The following BTF3L4 variants were observed in gnomAD, a reference collection of about 807,000 sequenced individuals.
BTF3L4 encodes the protein basic transcription factor 3 like 4.
In BTF3L4, 6 loss-of-function variants were observed where a neutral mutation model predicts 16.8. The observed-to-expected ratio is 0.36, with a 90% CI of 0.20 to 0.71. BTF3L4 has a LOEUF of 0.71. Among genes scored for constraint, BTF3L4 ranks in the 30% least tolerant of loss-of-function variants. The pLI is 0.58. For synonymous variants in BTF3L4, 39 were observed against 59.8 expected (o/e 0.65, Z 1.60); for missense variants, 92 against 186.9 (o/e 0.49, Z 2.96).
chr1:52,063,601 C>T (rs1397035130), intron 2 of BTF3L4, among the ~76,000 whole-genome samples: 1 of 152,122 alleles, frequency 6.6e-6, no homozygotes, highest in Non-Finnish European at 1.5e-5. Flanking sequence ...AAGATTTAAC[C>T]CTCAAGACTT....
intron 3 of BTF3L4, among the ~76,000 whole-genome samples, chr1:52,078,909 G>A (rs1034834257): frequency 6.6e-6 from 1 of 152,074 alleles, no homozygotes; most frequent in Non-Finnish European, 1.5e-5. Flanking sequence ...CTCAGTGCTG[G>A]TATAGTTGCT....
intron 3 of BTF3L4, among the ~76,000 whole-genome samples, chr1:52,080,524 T>G (rs1306993736): frequency 1.6e-3 from 33 of 20,550 alleles, no homozygotes; most frequent in Middle Eastern, 0.026. Context: ...TTTGGGTTTT[T>G]TTTTTTTTTT....
At position 52,076,170 on chromosome 1, in the gene BTF3L4, G is replaced by T. The variant is rs537948106; in HGVS notation, c.169-7170G>T. 7.9e-5 allele frequency among the ~76,000 whole-genome samples: 12 copies of T among 152,248 alleles called. No individual in the cohort carries two copies. In the East Asian group the frequency reaches 2.3e-3, roughly 29 times the overall value. ...GTATGCCTGTAATCCCAACTACTTGGGAGGCTGAGGTGGGAGAATTGCTTG... is the reference window on the plus strand; with the variant it reads ...GTATGCCTGTAATCCCAACTACTTGTGAGGCTGAGGTGGGAGAATTGCTTG... On this transcript the variant is annotated intron_variant, in intron 3 of 5. Transcript: ENST00000313334.
intron 3 of BTF3L4, among the ~76,000 whole-genome samples, chr1:52,070,116 C>G (rs960479461): frequency 1.3e-5 from 2 of 151,612 alleles, no homozygotes; most frequent in African/African-American, 4.9e-5. Context: ...ACTCAGGAGG[C>G]TGAGGTAGGA....
intron 1 of BTF3L4, among the ~76,000 whole-genome samples, chr1:52,056,673 T>A (rs1156485278): frequency 6.6e-6 from 1 of 152,242 alleles, no homozygotes; most frequent in Non-Finnish European, 1.5e-5. Flanking sequence ...TCTGTTCCAT[T>A]ACTCCTTGCT....
At chr1:52,084,830 A>G (rs552697729) in intron 4 of BTF3L4, among the ~76,000 whole-genome samples, 1 of 151,772 alleles carries the variant, frequency 6.6e-6, no homozygotes, top group East Asian at 1.9e-4. Flanking sequence ...TAATGTTGTC[A>G]GACATCTATG....
chr1:52,072,171 C>T (rs1686807930), intron 3 of BTF3L4, among the ~76,000 whole-genome samples: 1 of 151,770 alleles, frequency 6.6e-6, no homozygotes, highest in Non-Finnish European at 1.5e-5. Flanking sequence ...TCTCCTGCCT[C>T]AGCCTCCCGA....
rs1019601587 is a variant in BTF3L4, at chr1:52,088,583, T to A, written c.*1825T>A. 4 of 152,464 alleles carry A rather than the reference T, an allele frequency of 2.6e-5. No homozygotes were observed. The highest frequency in any genetic ancestry group is 5.9e-5 in the Non-Finnish European group (4 of 68,050). 9.4% of individuals were successfully genotyped at this position (152,464 alleles called of 1,614,324 possible). A position where few individuals can be genotyped will look rare whatever the true frequency, so the allele number is the denominator to read the frequency against. On this transcript the variant is annotated 3_prime_UTR_variant, in exon 6 of 6. Transcript: ENST00000313334. ...TCTCTAATTGTCCCAAAGGGGGACA[T>A]TGTGGAGGCAGAGTTAGGGGGAACC...
intron 3 of BTF3L4, among the ~76,000 whole-genome samples, chr1:52,076,034 T>C (rs1052705495): frequency 6.6e-6 from 1 of 152,174 alleles, no homozygotes; most frequent in Non-Finnish European, 1.5e-5. Context: ...CTTCATGCAT[T>C]TTGTCAAATT....
At chr1:52,081,005 A>G (rs1643914871) in intron 3 of BTF3L4, among the ~76,000 whole-genome samples, 1 of 151,164 alleles carries the variant, frequency 6.6e-6, no homozygotes. Context: ...ACACCCAGCT[A>G]ATTTTTGTAT....
chr1:52,078,911 A>G (rs960431313), intron 3 of BTF3L4, among the ~76,000 whole-genome samples: 2 of 152,184 alleles, frequency 1.3e-5, no homozygotes, highest in Non-Finnish European at 2.9e-5. Context: ...CAGTGCTGGT[A>G]TAGTTGCTAA....
chr1:52,082,428 G>A (rs559038717), intron 3 of BTF3L4, among the ~76,000 whole-genome samples: 84 of 152,008 alleles, frequency 5.5e-4, no homozygotes, highest in Non-Finnish European at 1.0e-3. Context: ...TTGTTGAGAA[G>A]CTACCCTTAA....
At chr1:52,076,134 T>C (rs1055897971) in intron 3 of BTF3L4, among the ~76,000 whole-genome samples, 2 of 152,096 alleles carry the variant, frequency 1.3e-5, no homozygotes, top group African/African-American at 4.8e-5. Flanking sequence ...TTTTGTACTT[T>C]TAGTGGTGGC....
chr1:52,078,961 A>G (rs1438278717), intron 3 of BTF3L4, among the ~76,000 whole-genome samples: 3 of 152,172 alleles, frequency 2.0e-5, no homozygotes, highest in Non-Finnish European at 4.4e-5. Context: ...TTGTTCTTAT[A>G]TTGTACATAT....
At chr1:52,069,228 A>G (rs1686725754) in intron 3 of BTF3L4, among the ~76,000 whole-genome samples, 4 of 152,152 alleles carry the variant, frequency 2.6e-5, no homozygotes. Context: ...CCGAAGATGG[A>G]GAGGAGTTTT....
intron 3 of BTF3L4, among the ~76,000 whole-genome samples, chr1:52,072,032 T>G (rs1686803077): frequency 1.3e-5 from 2 of 150,060 alleles, no homozygotes; most frequent in South Asian, 2.1e-4. Context: ...TTTTTTTTGT[T>G]TTTTTTTTTT....
Position 52,090,629 on chromosome 1 carries a change from C to T in BTF3L4, c.*3871C>T, listed in dbSNP as rs895170748. ...TTATTTGATTTTCTTTTTACTTTCT[C>T]GTAGTGCCCAATGTGTAGTTTACTC... On this transcript the variant is annotated 3_prime_UTR_variant, in exon 6 of 6. Coordinates refer to ENST00000313334, the MANE Select transcript of BTF3L4 (RefSeq NM_152265.5). The T allele has an allele frequency of 6.6e-5, 10 of 152,044 alleles. No individual in the cohort carries two copies. Among genetic ancestry groups the T allele is most frequent in the Non-Finnish European group, 1.2e-4 (8 of 68,026 alleles). 9.4% of individuals were successfully genotyped at this position (152,044 alleles called of 1,614,324 possible).
intron 4 of BTF3L4, among the ~76,000 whole-genome samples, chr1:52,085,113 C>T (rs1051849991): frequency 3.2e-4 from 47 of 145,028 alleles, no homozygotes; most frequent in African/African-American, 1.2e-3. Context: ...CTCCACCTGC[C>T]GGGTACAAGC....
intron 1 of BTF3L4, among the ~76,000 whole-genome samples, chr1:52,058,385 A>G (rs1466664252): frequency 6.6e-6 from 1 of 152,220 alleles, no homozygotes; most frequent in Non-Finnish European, 1.5e-5. Flanking sequence ...GATAGTGTCA[A>G]AGTACAAAAT....
Sources: gnomAD v4.1 joint callset for allele counts (sites outside exome capture counted in the v4.1 genomes callset) on GRCh38, gnomAD v4.1.1 for gene constraint, MANE v1.5 for transcripts, NCBI Gene and HGNC (gene_info 2026-07-23, HGNC 2026-07-21) for gene names.